INSR: variants seen among roughly 807,000 people sequenced by gnomAD.
INSR encodes insulin receptor.
INSR carries 67 observed loss-of-function variants against 142.6 expected under a neutral mutation model. The ratio of observed to expected loss-of-function variants is 0.47; its 90% CI spans 0.39 to 0.58. INSR has a LOEUF of 0.58. Among genes scored for constraint, INSR ranks in the 20% least tolerant of loss-of-function variants. INSR has a pLI of 0.00. For synonymous variants in INSR, 756 were observed against 743.1 expected, an observed-to-expected ratio of 1.02 and a Z score of -0.28; for missense variants, 1,248 against 1,833.2, an observed-to-expected ratio of 0.68 and a Z score of 5.83.
chr19:7,153,734 A>G (rs1022153229), intron 9 of INSR, among the ~76,000 whole-genome samples: 5 of 152,056 alleles, frequency 3.3e-5, no homozygotes, highest in African/African-American at 1.2e-4. Context: ...TTAAAAATAT[A>G]GCCGAGCACA....
At chr19:7,233,976 G>T (rs183509398) in intron 2 of INSR, among the ~76,000 whole-genome samples, 2 of 148,890 alleles carry the variant, frequency 1.3e-5, no homozygotes, top group Admixed American at 6.7e-5. Flanking sequence ...GCGCAATCTC[G>T]GCTCACTGCA....
chr19:7,226,362 A>G (rs1011745617), intron 2 of INSR, among the ~76,000 whole-genome samples: 1 of 149,000 alleles, frequency 6.7e-6, no homozygotes, highest in African/African-American at 2.5e-5. Flanking sequence ...GTGAGCCAAG[A>G]TCGCACCACT....
In INSR at chr19:7,221,177, T is replaced by C. The variant is rs190751811; in HGVS notation, c.653-36540A>G. On this transcript the variant is annotated intron_variant, in intron 2 of 21. Coordinates refer to ENST00000302850, the MANE Select transcript of INSR (RefSeq NM_000208.4). ...TCACTTGAGGTGAGGAGTTTGAGAC[T>C]AACCTGGCCAACGTGGCGAGACCCC... 6.3e-3 allele frequency among the ~76,000 whole-genome samples: 897 copies of C among 141,966 alleles called. 13 individuals are homozygous for C. Among genetic ancestry groups the C allele is most frequent in the African/African-American group, 0.022 (841 of 38,392 alleles). The allele number at this position is 141,966 out of a possible 152,430, so 93.1% of individuals were successfully genotyped here.
At chr19:7,292,333 G>C (rs977484830) in intron 1 of INSR, among the ~76,000 whole-genome samples, 4 of 150,834 alleles carry the variant, frequency 2.7e-5, no homozygotes, top group Non-Finnish European at 5.9e-5. Context: ...CTCGTGATCC[G>C]CCCGCCTCAG....
intron 2 of INSR, among the ~76,000 whole-genome samples, chr19:7,244,520 G>A (rs1032077030): frequency 1.6e-4 from 20 of 121,214 alleles, no homozygotes; most frequent in Middle Eastern, 3.8e-3. Flanking sequence ...GTGACAGGGC[G>A]AGACTCTGTC....
Position 7,119,354 on chromosome 19 carries a change from G to A in INSR, c.3794+95C>T, listed in dbSNP as rs1331422401. On this transcript the variant is annotated intron_variant, in intron 21 of 21. Coordinates refer to ENST00000302850, the MANE Select transcript of INSR (RefSeq NM_000208.4). This position sits in a 1 kb window ranked among gnomAD's most constrained non-coding sequence, Gnocchi z 5.2. Reference sequence around the variant, plus strand: ...CATACAGCATGCAAACACGGTGAGCGTGTAGACATAGGAAAGGCAAAACCA... The same window carrying A: ...CATACAGCATGCAAACACGGTGAGCATGTAGACATAGGAAAGGCAAAACCA... The A allele has an allele frequency of 9.1e-5, 126 of 1,380,172 alleles. No homozygotes were observed. The highest frequency in any genetic ancestry group is 6.2e-4 in the East Asian group (27 of 43,754). The allele number at this position is 1,380,172 out of a possible 1,614,324, so 85.5% of individuals were successfully genotyped here.
At chr19:7,251,998 G>A (rs187832142) in intron 2 of INSR, among the ~76,000 whole-genome samples, 1 of 152,280 alleles carries the variant, frequency 6.6e-6, no homozygotes, top group Non-Finnish European at 1.5e-5. Context: ...AATAGCCCAG[G>A]TGCGGTGGCT....
rs1430417934 is a variant in INSR, at chr19:7,184,397, C to T, written c.893G>A (p.Arg298Lys). ...DLHHKCKNSR[R>K]QGCHQYVIHN... The stretch of plus-strand genomic sequence containing the variant: ...AATGACGTACTGGTGGCAGCCCTGC[C>T]TCCGCGAGTTCTTGCATTTGTGGTG... The change falls in exon 3 of 22, where the codon AGG (arginine) becomes AAG (lysine). Residue 298 changes from arginine to lysine, a missense_variant. Arg to Lys is a conservative substitution (Grantham distance 26). Coordinates refer to ENST00000302850, the MANE Select transcript of INSR (RefSeq NM_000208.4). 2 of 1,613,956 alleles carry T rather than the reference C, an allele frequency of 1.2e-6. No individual in the cohort carries two copies. The highest frequency in any genetic ancestry group is 2.7e-5 in the African/African-American group (2 of 74,886).
chr19:7,163,620 A>G (rs1599931415), intron 8 of INSR, among the ~76,000 whole-genome samples: 1 of 151,884 alleles, frequency 6.6e-6, no homozygotes, highest in East Asian at 1.9e-4. Context: ...ACAAAACCCA[A>G]AAAACCCAAA....
chr19:7,221,832 C>T (rs1222184586), intron 2 of INSR, among the ~76,000 whole-genome samples: 3 of 152,038 alleles, frequency 2.0e-5, no homozygotes, highest in Admixed American at 6.6e-5. Flanking sequence ...CTACTCCAGG[C>T]CCCCCGTCCA....
At chr19:7,120,540 C>A in intron 20 of INSR, 80 bp downstream of exon 20, 1 of 1,570,722 alleles carries the variant, frequency 6.4e-7, no homozygotes, top group East Asian at 2.3e-5. Flanking sequence ...GGATGGCAGG[C>A]TTCCTTCCCC....
chr19:7,145,895 A>G (rs1358889337), intron 11 of INSR, among the ~76,000 whole-genome samples: 1 of 152,254 alleles, frequency 6.6e-6, no homozygotes, highest in African/African-American at 2.4e-5. Context: ...TCTGCTAAGA[A>G]TAATTTTAAG....
intron 2 of INSR, among the ~76,000 whole-genome samples, chr19:7,187,872 C>T (rs1974471778): frequency 6.6e-6 from 1 of 152,158 alleles, no homozygotes; most frequent in Non-Finnish European, 1.5e-5. Context: ...GTGCCTGACA[C>T]AATTCCAATG....
intron 12 of INSR, among the ~76,000 whole-genome samples, chr19:7,142,454 A>G (rs1973094463): frequency 1.4e-5 from 2 of 144,308 alleles, no homozygotes; most frequent in East Asian, 2.1e-4. Context: ...CAGCACTTTG[A>G]GAGGCCGATG....
chr19:7,201,683 G>GTTTTT (rs1555751013), intron 2 of INSR, among the ~76,000 whole-genome samples: 2 of 96,444 alleles, frequency 2.1e-5, no homozygotes, highest in Non-Finnish European at 2.0e-5. Flanking sequence ...TTTTTTTTGA[G>GTTTTT]TTGGAGTCTC....
At chr19:7,170,905 G>A (rs1458020338) in intron 5 of INSR, among the ~76,000 whole-genome samples, 154 bp from the exon 6 acceptor site, 1 of 152,110 alleles carries the variant, frequency 6.6e-6, no homozygotes, top group African/African-American at 2.4e-5. Flanking sequence ...TGTTGAATGT[G>A]GATAACAGAG....
At chr19:7,255,680 C>T (rs112483552) in intron 2 of INSR, among the ~76,000 whole-genome samples, 1 of 151,968 alleles carries the variant, frequency 6.6e-6, no homozygotes, top group African/African-American at 2.4e-5. Flanking sequence ...CAGGCTCAAG[C>T]GATCCTCCCA....
In INSR at chr19:7,150,427, G is replaced by A. The variant is rs144197517; in HGVS notation, c.2267+70C>T. On this transcript the variant is annotated intron_variant, in intron 11 of 21. Coordinates refer to ENST00000302850, the MANE Select transcript of INSR (RefSeq NM_000208.4). The surrounding 1 kb of genome is among the most constrained non-coding windows in gnomAD (Gnocchi z 4.2). ...AGCCACAGAAACCCCTGGGTTCTCCGAGGCATCTGCCTGGCACGCCGCCGG... is the reference window on the plus strand; with the variant it reads ...AGCCACAGAAACCCCTGGGTTCTCCAAGGCATCTGCCTGGCACGCCGCCGG... 1.2e-3 allele frequency: 1,691 copies of A among 1,448,916 alleles called. 1 individual carries two copies. The highest frequency in any genetic ancestry group is 1.4e-3 in the Non-Finnish European group (1,489 of 1,033,166). 89.8% of individuals were successfully genotyped at this position (1,448,916 alleles called of 1,614,324 possible).
intron 3 of INSR, among the ~76,000 whole-genome samples, chr19:7,177,222 T>C (rs1233729958): frequency 6.6e-6 from 1 of 151,986 alleles, no homozygotes; most frequent in Non-Finnish European, 1.5e-5. Flanking sequence ...GGCTCAGAGG[T>C]GGTGGGTACA....
Sources: allele counts gnomAD v4.1 joint callset (sites outside exome capture counted in the v4.1 genomes callset), GRCh38; gene constraint gnomAD v4.1.1; non-coding constraint Gnocchi (gnomAD v3.1); transcripts MANE v1.5; gene names NCBI Gene and HGNC (gene_info 2026-07-23, HGNC 2026-07-21).